Variants in ECPAS observed in about 807,000 individuals in gnomAD.
The protein encoded by ECPAS is proteasome adapter and scaffold protein ECM29.
A neutral mutation model predicts 255.1 loss-of-function variants in ECPAS; 70 were observed. The ratio of observed to expected loss-of-function variants is 0.27; its 90% CI spans 0.23 to 0.33. The LOEUF is 0.33. Ranked by LOEUF, ECPAS falls within the 10% of genes least tolerant of loss-of-function variation. The pLI is 1.00. For synonymous variants in ECPAS, 784 were observed against 775.0 expected, an observed-to-expected ratio of 1.01 and a Z score of -0.19; for missense variants, 1,817 against 2,206.4, an observed-to-expected ratio of 0.82 and a Z score of 3.54.
At chr9:111,425,672 A>G in intron 11 of ECPAS, 71 bp downstream of exon 11, 1 of 1,046,250 alleles carries the variant, frequency 9.6e-7, no homozygotes, top group Non-Finnish European at 1.4e-6. Flanking sequence ...GATGAGTAAA[A>G]CGATACACTT....
At chr9:111,466,851 C>A (rs1043127741) in intron 2 of ECPAS, among the ~76,000 whole-genome samples, 24 of 152,152 alleles carry the variant, frequency 1.6e-4, no homozygotes, top group Non-Finnish European at 3.4e-4. Flanking sequence ...CCCAAGCAAT[C>A]CTCCCACTTC....
At chr9:111,443,373 C>T (rs2098248459) in intron 4 of ECPAS, among the ~76,000 whole-genome samples, 1 of 152,172 alleles carries the variant, frequency 6.6e-6, no homozygotes, top group Non-Finnish European at 1.5e-5. Flanking sequence ...GCCTCAGTCT[C>T]CCAAGTAGCT....
intron 1 of ECPAS, among the ~76,000 whole-genome samples, chr9:111,476,933 G>A (rs1043486248): frequency 1.3e-5 from 2 of 152,072 alleles, no homozygotes; most frequent in Non-Finnish European, 2.9e-5. Context: ...TTCCCAAGTA[G>A]CTGGGATTAC....
chr9:111,409,580 T>G (rs1436808585), intron 23 of ECPAS, among the ~76,000 whole-genome samples: 1 of 151,792 alleles, frequency 6.6e-6, no homozygotes, highest in Non-Finnish European at 1.5e-5. Flanking sequence ...AAAAAAAAGA[T>G]TATATCAATT....
At chr9:111,478,129 G>A (rs2098298822) in intron 1 of ECPAS, among the ~76,000 whole-genome samples, 1 of 151,054 alleles carries the variant, frequency 6.6e-6, no homozygotes, top group Non-Finnish European at 1.5e-5. Context: ...TCGAACTCCT[G>A]GACTCAAGTG....
chr9:111,467,652 G>A (rs1373167135), intron 2 of ECPAS, among the ~76,000 whole-genome samples: 3 of 152,090 alleles, frequency 2.0e-5, no homozygotes, highest in Non-Finnish European at 2.9e-5. Context: ...AACACCACAC[G>A]ATATTTTTTA....
intron 25 of ECPAS, among the ~76,000 whole-genome samples, chr9:111,395,473 A>G (rs774173350): frequency 1.2e-4 from 18 of 152,266 alleles, no homozygotes; most frequent in Non-Finnish European, 2.5e-4. Context: ...CTTCTCCACA[A>G]TATTTTATGT....
intron 48 of ECPAS, among the ~76,000 whole-genome samples, chr9:111,364,937 T>C (rs969797055): frequency 9.2e-5 from 14 of 152,166 alleles, no homozygotes; most frequent in African/African-American, 2.2e-4. Flanking sequence ...TTCTTCAAAA[T>C]TGTCAATGTC....
intron 2 of ECPAS, among the ~76,000 whole-genome samples, chr9:111,459,222 C>G (rs184963844): frequency 1.3e-5 from 2 of 151,024 alleles, no homozygotes; most frequent in Non-Finnish European, 2.9e-5. Context: ...TTTTTTTTCC[C>G]CTTAAGCTCA....
At chr9:111,381,667 C>G (rs760746673) in intron 35 of ECPAS, among the ~76,000 whole-genome samples, 1 of 152,160 alleles carries the variant, frequency 6.6e-6, no homozygotes, top group Non-Finnish European at 1.5e-5. Context: ...AAAGCATATC[C>G]CTTAACTAAA....
chr9:111,393,864 A>G, intron 26 of ECPAS, 130 bp from the exon 27 acceptor site: 1 of 737,824 alleles, frequency 1.4e-6, no homozygotes, highest in East Asian at 2.7e-5. Context: ...TTTTGCTCTC[A>G]TCTTTACAGG....
At chr9:111,441,329 C>A in intron 5 of ECPAS, among the ~76,000 whole-genome samples, 1 of 151,956 alleles carries the variant, frequency 6.6e-6, no homozygotes, top group East Asian at 1.9e-4. Context: ...CATGGTAAAA[C>A]CCCATCTCTT....
intron 7 of ECPAS, 89 bp downstream of exon 7, chr9:111,436,851 T>C: frequency 1.8e-6 from 2 of 1,124,642 alleles, no homozygotes; most frequent in Non-Finnish European, 2.5e-6. Context: ...AGCCTGAATA[T>C]ACTAGAATTA....
At position 111,464,495 on chromosome 9, in the gene ECPAS, T is replaced by C. The variant is rs147028760; in HGVS notation, c.22+8402A>G. On this transcript the variant is annotated intron_variant, in intron 2 of 49. Coordinates refer to ENST00000684092, the MANE Select transcript of ECPAS (RefSeq NM_001364929.1). ...AAGCACAAGGACACATGTGTGAAAGTGTTCACAGCCCAGGATTAGTAAAAG... is the reference window on the plus strand; with the variant it reads ...AAGCACAAGGACACATGTGTGAAAGCGTTCACAGCCCAGGATTAGTAAAAG... Among the ~76,000 whole-genome samples, 42 of 149,400 alleles carry C rather than the reference T, an allele frequency of 2.8e-4. 2 individuals carry two copies. In the East Asian group the frequency reaches 8.0e-3, roughly 28 times the overall value.
chr9:111,393,804 A>C, intron 26 of ECPAS, 70 bp from the exon 27 acceptor site: 2 of 1,100,582 alleles, frequency 1.8e-6, no homozygotes, highest in Non-Finnish European at 2.7e-6. Context: ...TCTTGCTCTC[A>C]CCGTGTACAA....
In ECPAS at chr9:111,397,184, A is replaced by G. The variant is rs1024300138; in HGVS notation, c.2653-31T>C. 1.9e-6 allele frequency: 3 copies of G among 1,609,088 alleles called. No individual in the cohort carries two copies. In the African/African-American group the frequency reaches 4.0e-5, roughly 22 times the overall value. ...ACGAAGGAAGTAAAAACCATGAATG[A>G]GAAAACACATTTCCCAAAAACATCC... On this transcript the variant is annotated intron_variant, in intron 24 of 49. Coordinates refer to ENST00000684092, the MANE Select transcript of ECPAS (RefSeq NM_001364929.1).
intron 18 of ECPAS, among the ~76,000 whole-genome samples, chr9:111,415,279 G>A (rs576456284): frequency 4.6e-5 from 7 of 151,814 alleles, no homozygotes; most frequent in South Asian, 2.1e-4. Flanking sequence ...CAGAGAGAGA[G>A]GAAAGAAATC....
chr9:111,407,468 T>C (rs1336392279), intron 24 of ECPAS, among the ~76,000 whole-genome samples: 1 of 119,164 alleles, frequency 8.4e-6, no homozygotes. Flanking sequence ...ACTCAGGGAT[T>C]CAAAAAAGGA....
At chr9:111,431,286 G>T (rs2098229528) in intron 8 of ECPAS, among the ~76,000 whole-genome samples, 2 of 152,146 alleles carry the variant, frequency 1.3e-5, no homozygotes, top group Admixed American at 1.3e-4. Context: ...AGCTGGGCAT[G>T]GTGGCTCACA....
Sources: allele counts gnomAD v4.1 joint callset (sites outside exome capture counted in the v4.1 genomes callset), GRCh38; gene constraint gnomAD v4.1.1; transcripts MANE v1.5; gene names NCBI Gene and HGNC (gene_info 2026-07-23, HGNC 2026-07-21).